The following TRPM3 variants were observed in gnomAD, a reference collection of about 807,000 sequenced individuals.
TRPM3 encodes the protein long transient receptor potential channel 3.
A neutral mutation model predicts 181.2 loss-of-function variants in TRPM3; 77 were observed. The observed-to-expected ratio is 0.42, with a 90% confidence interval of 0.35 to 0.51. The LOEUF is 0.51. Ranked by LOEUF, TRPM3 falls within the 20% of genes least tolerant of loss-of-function variation. The pLI is 0.01. For synonymous variants in TRPM3, 745 were observed against 796.4 expected (o/e 0.94, Z 1.09); for missense variants, 1,759 against 2,196.7 (o/e 0.80, Z 3.98).
chr9:70,533,907 T>C lies in TRPM3; in HGVS notation c.*2046A>G, dbSNP rs1303105235. 1.3e-5 allele frequency: 2 copies of C among 152,230 alleles called. No homozygotes were observed. The highest frequency in any genetic ancestry group is 2.9e-5 in the Non-Finnish European group (2 of 68,042). 9.4% of individuals were successfully genotyped at this position (152,230 alleles called of 1,614,324 possible). ...ATTCAGAAGAGTTTTTATTTTGTTT[T>C]TTATCTTATATTTAAAGGCCATGTA... is the stretch of plus-strand genomic sequence containing the variant. On this transcript the variant is annotated 3_prime_UTR_variant, in exon 26 of 26. Coordinates refer to ENST00000677713, the MANE Select transcript of TRPM3 (RefSeq NM_001366145.2).
chr9:71,140,069 G>A (rs932211964), intron 1 of TRPM3, among the ~76,000 whole-genome samples: 6 of 152,142 alleles, frequency 3.9e-5, no homozygotes, highest in Non-Finnish European at 8.8e-5. Flanking sequence ...GAAACCATGA[G>A]GGAGAGGCCT....
chr9:70,892,102 G>C (rs2096213207), intron 1 of TRPM3, among the ~76,000 whole-genome samples: 1 of 152,190 alleles, frequency 6.6e-6, no homozygotes, highest in South Asian at 2.1e-4. Flanking sequence ...AAAGGAAAGA[G>C]ATACTGAGAG....
At chr9:70,941,649 C>G (rs1156893810) in intron 1 of TRPM3, among the ~76,000 whole-genome samples, 1 of 152,086 alleles carries the variant, frequency 6.6e-6, no homozygotes, top group Non-Finnish European at 1.5e-5. Context: ...ACTCCCATGG[C>G]CAGCAGATTT....
At chr9:71,311,587 C>A (rs529173899) in intron 1 of TRPM3, among the ~76,000 whole-genome samples, 7 of 151,936 alleles carry the variant, frequency 4.6e-5, no homozygotes, top group Non-Finnish European at 8.8e-5. Context: ...TAGATACAGA[C>A]TTTTAATCTT....
At chr9:70,653,568 G>C (rs1259837180) in intron 9 of TRPM3, among the ~76,000 whole-genome samples, 1 of 150,656 alleles carries the variant, frequency 6.6e-6, no homozygotes. Context: ...GGGTAACAAA[G>C]CCTCTCTAAT....
intron 1 of TRPM3, among the ~76,000 whole-genome samples, chr9:70,940,948 TA>T (rs2096880106): frequency 6.6e-6 from 1 of 152,248 alleles, no homozygotes; most frequent in Non-Finnish European, 1.5e-5. Flanking sequence ...GATTTCTCTT[TA>T]AAATAATGAA....
At chr9:71,121,676 G>T, upstream of TRPM3, 11 of 1,098,588 alleles carry the variant, frequency 1.0e-5, no homozygotes, top group Non-Finnish European at 1.2e-5. Context: ...CGTTGGGGGG[G>T]AACCGGGGCC....
chr9:70,810,078 T>A (rs201632779), intron 6 of TRPM3: 1 of 534,408 alleles, frequency 1.9e-6, no homozygotes, highest in Non-Finnish European at 3.8e-6. Context: ...GAAGAAAGAC[T>A]GTAGCCATGG....
intron 1 of TRPM3, among the ~76,000 whole-genome samples, chr9:71,285,422 G>C (rs188500907): frequency 1.4e-3 from 211 of 152,218 alleles, no homozygotes; most frequent in African/African-American, 4.8e-3. Context: ...GAAACACTGA[G>C]CAAACAGTAT....
intron 1 of TRPM3, among the ~76,000 whole-genome samples, chr9:70,943,265 G>A (rs1424420132): frequency 6.6e-6 from 1 of 152,154 alleles, no homozygotes; most frequent in Non-Finnish European, 1.5e-5. Flanking sequence ...TCTACACAGA[G>A]AACTTATATG....
At chr9:70,791,363 T>A (rs1399301736) in intron 6 of TRPM3, among the ~76,000 whole-genome samples, 1 of 152,196 alleles carries the variant, frequency 6.6e-6, no homozygotes, top group African/African-American at 2.4e-5. Context: ...ATACTTATGG[T>A]TCTCTAGACA....
intron 1 of TRPM3, among the ~76,000 whole-genome samples, chr9:71,005,051 G>A (rs1590527872): frequency 1.3e-5 from 2 of 152,122 alleles, no homozygotes; most frequent in Non-Finnish European, 2.9e-5. Flanking sequence ...CAAGGCTTAG[G>A]AAGCCAATTT....
intron 1 of TRPM3, among the ~76,000 whole-genome samples, chr9:71,313,043 T>C (rs1565451696): frequency 6.6e-6 from 1 of 152,134 alleles, no homozygotes; most frequent in African/African-American, 2.4e-5. Flanking sequence ...ATATAAACTA[T>C]GTGATAATGA....
At chr9:71,340,043 A>C (rs762401492) in intron 1 of TRPM3, among the ~76,000 whole-genome samples, 3 of 151,508 alleles carry the variant, frequency 2.0e-5, no homozygotes, top group African/African-American at 7.3e-5. Flanking sequence ...TTGTAAGGCT[A>C]AAGACAAAAA....
upstream of TRPM3, among the ~76,000 whole-genome samples, chr9:71,124,257 A>T (rs1024478113): frequency 1.3e-4 from 20 of 151,360 alleles, no homozygotes; most frequent in Admixed American, 8.6e-4. Context: ...AAGAAATTAT[A>T]TTTTCACATA....
intron 1 of TRPM3, among the ~76,000 whole-genome samples, chr9:71,173,432 G>A (rs2076958854): frequency 6.6e-6 from 1 of 152,184 alleles, no homozygotes; most frequent in Non-Finnish European, 1.5e-5. Context: ...AAAGCAAGTG[G>A]TAAATTGTAA....
At chr9:70,966,286 C>T (rs2097184779) in intron 1 of TRPM3, among the ~76,000 whole-genome samples, 1 of 152,072 alleles carries the variant, frequency 6.6e-6, no homozygotes, top group Admixed American at 6.6e-5. Flanking sequence ...CACTGTTACA[C>T]CATTGGTGGG....
chr9:70,920,807 T>G (rs760139642), intron 1 of TRPM3, among the ~76,000 whole-genome samples: 3 of 152,246 alleles, frequency 2.0e-5, no homozygotes, highest in Admixed American at 6.5e-5. Flanking sequence ...TTATTTTAAC[T>G]GATCATAATT....
chr9:70,596,594 G>A (rs1056932406), intron 21 of TRPM3, among the ~76,000 whole-genome samples: 1 of 151,936 alleles, frequency 6.6e-6, no homozygotes, highest in Non-Finnish European at 1.5e-5. Context: ...AGCCTGGCGT[G>A]GTGGCAGGTG....
Sources: gnomAD v4.1 joint callset for allele counts (sites outside exome capture counted in the v4.1 genomes callset) on GRCh38, gnomAD v4.1.1 for gene constraint, MANE v1.5 for transcripts, NCBI Gene and HGNC (gene_info 2026-07-23, HGNC 2026-07-21) for gene names.